CENPW: variants seen among roughly 807,000 people sequenced by gnomAD.
The protein encoded by CENPW is cancer-up-regulated gene 2 protein.
Under a neutral mutation model 11.1 loss-of-function variants are expected in CENPW, and 3 were observed. That is an observed-to-expected ratio of 0.27 (90% CI 0.12 to 0.70). CENPW has a LOEUF of 0.70. CENPW is among the 30% of genes least tolerant of loss of function. The probability of loss-of-function intolerance (pLI) is 0.77; values close to 1 mark genes in which losing one functional copy is unlikely to be tolerated. For synonymous variants in CENPW, 38 were observed against 42.0 expected (o/e 0.91, Z 0.37); for missense variants, 100 against 105.6 (o/e 0.95, Z 0.23).
the CENPW span, among the ~76,000 whole-genome samples, chr6:126,362,479 G>T: frequency 2.0e-5 from 3 of 152,110 alleles, no homozygotes; most frequent in Admixed American, 6.5e-5. Flanking sequence ...TTCCTCTTCA[G>T]CCTCAGTGTT....
the CENPW span, among the ~76,000 whole-genome samples, chr6:126,442,071 A>G: frequency 1.3e-5 from 2 of 151,680 alleles, no homozygotes; most frequent in Non-Finnish European, 3.0e-5. Context: ...TCCCACTAAC[A>G]GTGTAAAAGT....
At chr6:126,356,837 T>C in the CENPW span, among the ~76,000 whole-genome samples, 1 of 152,210 alleles carries the variant, frequency 6.6e-6, no homozygotes, top group Admixed American at 6.5e-5. Context: ...ATTAAACCTT[T>C]GTTAGATGTG....
the CENPW span, among the ~76,000 whole-genome samples, chr6:126,392,036 G>T: frequency 1.3e-5 from 2 of 151,954 alleles, no homozygotes; most frequent in Non-Finnish European, 2.9e-5. Flanking sequence ...GTTAGGGATT[G>T]CATTGAATCT....
the CENPW span, among the ~76,000 whole-genome samples, chr6:126,422,082 C>T: frequency 6.6e-6 from 1 of 152,024 alleles, no homozygotes; most frequent in Non-Finnish European, 1.5e-5. Context: ...CCAGTGTTAG[C>T]TTTAAGAAGG....
At chr6:126,365,328 A>G in the CENPW span, among the ~76,000 whole-genome samples, 1 of 152,252 alleles carries the variant, frequency 6.6e-6, no homozygotes, top group African/African-American at 2.4e-5. Context: ...GTAATTTATA[A>G]GAAAAGAGGT....
At chr6:126,450,318 C>A in the CENPW span, among the ~76,000 whole-genome samples, 2 of 150,934 alleles carry the variant, frequency 1.3e-5, no homozygotes, top group Non-Finnish European at 3.0e-5. Context: ...GGGTAAAGCT[C>A]CTGAAGTCAT....
At chr6:126,355,448 C>A in the CENPW span, among the ~76,000 whole-genome samples, 1 of 152,196 alleles carries the variant, frequency 6.6e-6, no homozygotes, top group East Asian at 1.9e-4. Flanking sequence ...CTGAGGGAGT[C>A]ATAACTAATA....
chr6:126,411,610 T>A, the CENPW span, among the ~76,000 whole-genome samples: 3 of 152,214 alleles, frequency 2.0e-5, no homozygotes, highest in East Asian at 5.8e-4. Context: ...CTGAGGCACC[T>A]CCTGGAAACT....
the CENPW span, among the ~76,000 whole-genome samples, chr6:126,474,245 T>G: frequency 6.6e-6 from 1 of 152,200 alleles, no homozygotes. Flanking sequence ...TTCCATTACT[T>G]TTATTCAGCA....
intron 1 of CENPW, among the ~76,000 whole-genome samples, chr6:126,340,906 C>T (rs545087572): frequency 4.9e-4 from 75 of 152,218 alleles, no homozygotes; most frequent in African/African-American, 1.7e-3. Flanking sequence ...CCTCTATTTA[C>T]GCATTTAACC....
At chr6:126,356,165 G>C in the CENPW span, among the ~76,000 whole-genome samples, 9 of 152,110 alleles carry the variant, frequency 5.9e-5, no homozygotes, top group Admixed American at 5.2e-4. Flanking sequence ...AAAGACACTA[G>C]TTTTTGAGAA....
Position 126,340,333 on chromosome 6 carries a change from C to G in CENPW, c.60C>G (p.Gly20=). Residue 20 remains glycine (G), a synonymous_variant, in exon 1 of 3, where the codon GGC becomes GGG. Coordinates refer to ENST00000368328, the MANE Select transcript of CENPW (RefSeq NM_001012507.4). ...AGATAAAGCGGAAGGCTCCCCGTGGCTTTCTAAAGCGAGTCTTCAAGCGAA... is the reference window on the plus strand; with the variant it reads ...AGATAAAGCGGAAGGCTCCCCGTGGGTTTCTAAAGCGAGTCTTCAAGCGAA... ...RKQIKRKAPR[G]FLKRVFKRKK... is the part of the protein sequence containing the mutation. 6.2e-7 allele frequency: 1 copy of G among 1,614,112 alleles called. No homozygotes were observed. Among genetic ancestry groups the G allele is most frequent in the Non-Finnish European group, 8.5e-7 (1 of 1,180,024 alleles).
chr6:126,481,123 A>C, the CENPW span, among the ~76,000 whole-genome samples: 8 of 151,846 alleles, frequency 5.3e-5, no homozygotes, highest in African/African-American at 1.9e-4. Context: ...TCACTACTAT[A>C]TTTCTTTCTT....
the CENPW span, among the ~76,000 whole-genome samples, chr6:126,455,803 T>C: frequency 6.6e-6 from 1 of 151,192 alleles, no homozygotes; most frequent in Non-Finnish European, 1.5e-5. Context: ...ATGACATGAA[T>C]CTATATCTAG....
the CENPW span, among the ~76,000 whole-genome samples, chr6:126,359,390 A>G: frequency 6.6e-6 from 1 of 151,954 alleles, no homozygotes; most frequent in East Asian, 1.9e-4. Context: ...AGAAGAATGT[A>G]TATGCTGTGA....
chr6:126,390,796 C>T, the CENPW span, among the ~76,000 whole-genome samples: 4 of 151,920 alleles, frequency 2.6e-5, no homozygotes, highest in Admixed American at 2.0e-4. Flanking sequence ...TCACAAATGA[C>T]GTGATCTTAT....
At chr6:126,412,866 C>T in the CENPW span, among the ~76,000 whole-genome samples, 2 of 152,054 alleles carry the variant, frequency 1.3e-5, no homozygotes, top group Non-Finnish European at 2.9e-5. Context: ...AGTTTTCTTT[C>T]AGCTATTGTA....
At chr6:126,458,804 C>T in the CENPW span, among the ~76,000 whole-genome samples, 1 of 151,326 alleles carries the variant, frequency 6.6e-6, no homozygotes, top group African/African-American at 2.4e-5. Flanking sequence ...TTTTAAGTAA[C>T]AGATCTTGAT....
chr6:126,413,364 A>C, the CENPW span, among the ~76,000 whole-genome samples: 1 of 152,148 alleles, frequency 6.6e-6, no homozygotes, highest in African/African-American at 2.4e-5. Flanking sequence ...ATATAAGGAA[A>C]TCCTTACTTG....
Sources: gnomAD v4.1 joint callset for allele counts (sites outside exome capture counted in the v4.1 genomes callset) on GRCh38, gnomAD v4.1.1 for gene constraint, MANE v1.5 for transcripts, NCBI Gene and HGNC (gene_info 2026-07-23, HGNC 2026-07-21) for gene names.